The following ARPC5L variants were observed in gnomAD, a reference collection of about 807,000 sequenced individuals.
ARPC5L encodes actin related protein 2/3 complex subunit 5 like, also known as actin-related protein 2/3 complex subunit 5-like protein.
In ARPC5L, 4 loss-of-function variants were observed where a neutral mutation model predicts 16.9. The observed-to-expected ratio is 0.24, with a 90% CI of 0.12 to 0.54. The LOEUF (loss-of-function observed/expected upper bound fraction) is 0.54. Ranked by LOEUF, ARPC5L falls within the 20% of genes least tolerant of loss-of-function variation. The probability of loss-of-function intolerance (pLI) is 0.95; values close to 1 mark genes in which losing one functional copy is unlikely to be tolerated. For missense variants in ARPC5L, 151 were observed against 201.9 expected (o/e 0.75, Z 1.53); for synonymous variants, 78 against 82.6 (o/e 0.94, Z 0.30).
At chr9:124,864,811 CT>C (rs953093647) in intron 2 of ARPC5L, among the ~76,000 whole-genome samples, 241 of 143,016 alleles carry the variant, frequency 1.7e-3, no homozygotes, top group Non-Finnish European at 1.6e-3. Flanking sequence ...GCGCCTGGAC[CT>C]TTTTTTTTTT....
chr9:124,862,137 G>T lies in ARPC5L; in HGVS notation c.-1245G>T. 1 of 508,524 alleles carries T rather than the reference G, an allele frequency of 2.0e-6. No individual in the cohort carries two copies. The highest frequency in any genetic ancestry group is 3.3e-6 in the Non-Finnish European group (1 of 299,164). 31.5% of individuals were successfully genotyped at this position (508,524 alleles called of 1,614,324 possible). ...CCTTGTAGTGCTCGCCTCATTCACG[G>T]CACCCCTGATAGCGAGGTCGGCGTC... On this transcript the variant is annotated 5_prime_UTR_variant, in exon 1 of 6. Coordinates refer to ENST00000353214, the MANE Select transcript of ARPC5L (RefSeq NM_030978.3).
chr9:124,869,188 C>G lies in ARPC5L; in HGVS notation c.-103C>G, dbSNP rs1829316073. On this transcript the variant is annotated 5_prime_UTR_variant, in exon 3 of 6. Transcript: ENST00000353214. Reference sequence around the variant, plus strand: ...GCGGTGGAGGAGGTGCTGGGAGCAGCCGGGCAGCCGCTTCCCGCCCCCGAG... The same window carrying G: ...GCGGTGGAGGAGGTGCTGGGAGCAGGCGGGCAGCCGCTTCCCGCCCCCGAG... 7.8e-7 allele frequency: 1 copy of G among 1,276,266 alleles called. No homozygotes were observed. The highest frequency in any genetic ancestry group is 1.0e-6 in the Non-Finnish European group (1 of 988,522). The allele number at this position is 1,276,266 out of a possible 1,614,324, so 79.1% of individuals were successfully genotyped here.
At chr9:124,867,523 A>G (rs1192609915) in intron 2 of ARPC5L, among the ~76,000 whole-genome samples, 2 of 152,146 alleles carry the variant, frequency 1.3e-5, no homozygotes, top group Admixed American at 6.5e-5. Context: ...CAGCCCTGAC[A>G]TCGTATAATA....
At position 124,869,263 on chromosome 9, in the gene ARPC5L, C is replaced by T. The variant is rs1345416985; in HGVS notation, c.-28C>T. 1 of 1,502,700 alleles carries T rather than the reference C, an allele frequency of 6.7e-7. No homozygotes were observed. Among genetic ancestry groups the T allele is most frequent in the Admixed American group, 2.2e-5 (1 of 45,464 alleles). 93.1% of individuals were successfully genotyped at this position (1,502,700 alleles called of 1,614,324 possible). ...AGCCGAGGTCGGGCCGCGAGCGGAG[C>T]CGGCTGAGCGGGCGCCGAGCTCCCG... On this transcript the variant is annotated 5_prime_UTR_variant, in exon 3 of 6. Coordinates refer to ENST00000353214, the MANE Select transcript of ARPC5L (RefSeq NM_030978.3).
intron 5 of ARPC5L, among the ~76,000 whole-genome samples, chr9:124,875,622 T>A (rs2131339657): frequency 6.6e-6 from 1 of 152,300 alleles, no homozygotes; most frequent in East Asian, 1.9e-4. Flanking sequence ...GCAGAAACCT[T>A]GACCTCACTT....
chr9:124,865,891 G>A (rs1030868796), intron 2 of ARPC5L, among the ~76,000 whole-genome samples: 1 of 151,980 alleles, frequency 6.6e-6, no homozygotes, highest in East Asian at 1.9e-4. Context: ...CAGATCATGA[G>A]GTCACGAGTT....
chr9:124,866,743 C>T (rs1829276107), intron 2 of ARPC5L, among the ~76,000 whole-genome samples: 1 of 152,110 alleles, frequency 6.6e-6, no homozygotes. Context: ...AAAATTTACC[C>T]AGCTTGTTCC....
chr9:124,870,857 C>G (rs965573019), intron 3 of ARPC5L, among the ~76,000 whole-genome samples: 1 of 152,190 alleles, frequency 6.6e-6, no homozygotes, highest in African/African-American at 2.4e-5. Context: ...CTTGGGACTC[C>G]CCTGCCTGGT....
Position 124,876,927 on chromosome 9 carries a change from G to T in ARPC5L, c.449G>T (p.Arg150Ile), listed in dbSNP as rs779582252. 2 of 1,612,596 alleles carry T rather than the reference G, an allele frequency of 1.2e-6. No individual in the cohort carries two copies. Among genetic ancestry groups the T allele is most frequent in the South Asian group, 2.2e-5 (2 of 90,762 alleles). ...LGSIIRVLTA[R>I]KTV ...TCCATTATAAGAGTTCTTACAGCAA[G>T]AAAGACTGTTTAAAAAAAATAAAAA... Residue 150 changes from arginine to isoleucine, a missense_variant, in exon 6 of 6, where the codon AGA (arginine) becomes ATA (isoleucine). Physicochemically the swap from Arg to Ile is moderately conservative, Grantham distance 97. Transcript: ENST00000353214.
rs557897530 is a variant in ARPC5L, at chr9:124,875,050, C to T, written c.298C>T (p.Leu100=). The T allele has an allele frequency of 1.2e-5, 19 of 1,614,086 alleles. No individual in the cohort carries two copies. The South Asian group carries it at 1.6e-4, about 14-fold the overall frequency. The part of the protein sequence containing the change: ...SSEIEQAVQS[L]DRNGVDLLMK... ...TGAGATTGAGCAGGCTGTGCAGTCACTGGACAGAAACGGCGTTGACTTGTT... is the reference window on the plus strand; with the variant it reads ...TGAGATTGAGCAGGCTGTGCAGTCATTGGACAGAAACGGCGTTGACTTGTT... The change falls in exon 5 of 6, where the codon CTG becomes TTG. Residue 100 remains leucine, a synonymous_variant. Coordinates refer to ENST00000353214, the MANE Select transcript of ARPC5L (RefSeq NM_030978.3).
intron 3 of ARPC5L, chr9:124,872,783 C>T (rs56332800): frequency 0.02 from 3,065 of 152,302 alleles, 47 homozygotes; most frequent in Non-Finnish European, 0.032. Flanking sequence ...TGCCTGGTGG[C>T]GCAGACCCAG....
At position 124,877,413 on chromosome 9, in the gene ARPC5L, A is replaced by G. The variant is rs534661033; in HGVS notation, c.*473A>G. 61 of 156,180 alleles carry G rather than the reference A, an allele frequency of 3.9e-4. 1 individual carries two copies. In the South Asian group the frequency reaches 3.9e-3, roughly 10 times the overall value. The allele number at this position is 156,180 out of a possible 1,614,324, so 9.7% of individuals were successfully genotyped here. ...AATAAAGCTCTTGGCTTATTAGTCT[A>G]TACATTGCGGTGTGTTTCGTGTATG... On this transcript the variant is annotated 3_prime_UTR_variant, in exon 6 of 6. Coordinates refer to ENST00000353214, the MANE Select transcript of ARPC5L (RefSeq NM_030978.3).
chr9:124,876,504 C>T (rs768999354), intron 5 of ARPC5L, among the ~76,000 whole-genome samples: 10 of 152,100 alleles, frequency 6.6e-5, no homozygotes, highest in Non-Finnish European at 8.8e-5. Context: ...ATAAATTAGC[C>T]GGGCCTGGTG....
rs147477480 is a variant in ARPC5L at position 124,874,122 on chromosome 9, C to T, written c.222+358C>T. 2.3e-4 allele frequency among the ~76,000 whole-genome samples: 35 copies of T among 152,266 alleles called. 1 individual carries two copies. In the East Asian group the frequency reaches 5.8e-3, roughly 25 times the overall value. On this transcript the variant is annotated intron_variant, in intron 4 of 5. Coordinates refer to ENST00000353214, the MANE Select transcript of ARPC5L (RefSeq NM_030978.3). The stretch of plus-strand genomic sequence containing the variant: ...TGTCTGCCTGAGGATTTTAAGTACC[C>T]GTACGCTTTCCTACCTTCTAAAAAC...
chr9:124,869,027 GA>G lies in ARPC5L; in HGVS notation c.-262del. ...TCAGTGACAAAATAGAGACTCCGTG[GA>G]AGGGACACTGAGGTGGGGGAGGCTG... is the stretch of plus-strand genomic sequence containing the variant. On this transcript the variant is annotated 5_prime_UTR_variant, in exon 3 of 6. Transcript: ENST00000353214. 2.8e-6 allele frequency: 1 copy of G among 362,416 alleles called. No individual in the cohort carries two copies. The highest frequency in any genetic ancestry group is 4.9e-6 in the Non-Finnish European group (1 of 204,422). 22.5% of individuals were successfully genotyped at this position (362,416 alleles called of 1,614,324 possible). A position where few individuals can be genotyped will look rare whatever the true frequency, so the allele number is the denominator to read the frequency against.
At chr9:124,873,646 C>T in intron 3 of ARPC5L, 46 bp from the exon 4 acceptor site, 1 of 1,603,424 alleles carries the variant, frequency 6.2e-7, no homozygotes, top group Non-Finnish European at 8.5e-7. Context: ...TTCATGACGG[C>T]ATGGATGTGC....
chr9:124,871,931 G>A (rs1829366268), intron 3 of ARPC5L, among the ~76,000 whole-genome samples: 1 of 152,160 alleles, frequency 6.6e-6, no homozygotes, highest in Admixed American at 6.5e-5. Flanking sequence ...AGGAGATCAA[G>A]GGCTGGGCAG....
Position 124,869,170 on chromosome 9 carries a change from A to C in ARPC5L, c.-121A>C. On this transcript the variant is annotated 5_prime_UTR_variant, in exon 3 of 6. Transcript: ENST00000353214. ...CGGCGGCTGCGCGCGGAGGCGGTGG[A>C]GGAGGTGCTGGGAGCAGCCGGGCAG... 4.6e-6 allele frequency: 5 copies of C among 1,082,436 alleles called. No individual in the cohort carries two copies. The highest frequency in any genetic ancestry group is 6.0e-5 in the South Asian group (2 of 33,244). The allele number at this position is 1,082,436 out of a possible 1,614,324, so 67.1% of individuals were successfully genotyped here.
intron 4 of ARPC5L, among the ~76,000 whole-genome samples, chr9:124,874,640 C>T (rs1829405541): frequency 1.3e-5 from 2 of 152,168 alleles, no homozygotes; most frequent in South Asian, 2.1e-4. Context: ...TGAGATTGCA[C>T]CACTGCACTC....
Sources: gnomAD v4.1 joint callset for allele counts (sites outside exome capture counted in the v4.1 genomes callset) on GRCh38, gnomAD v4.1.1 for gene constraint, MANE v1.5 for transcripts, NCBI Gene and HGNC (gene_info 2026-07-23, HGNC 2026-07-21) for gene names.